The following ASTN2 variants were observed in gnomAD, a reference collection of about 807,000 sequenced individuals.
ASTN2 encodes astrotactin 2.
Under a neutral mutation model 139.8 loss-of-function variants are expected in ASTN2, and 54 were observed. The observed-to-expected ratio is 0.39, with a 90% CI of 0.31 to 0.48. The LOEUF (loss-of-function observed/expected upper bound fraction) is 0.48, where lower values mean the gene tolerates loss of function less well. ASTN2 is among the 20% of genes least tolerant of loss of function. The pLI is 0.95. For missense variants in ASTN2, 1,565 were observed against 1,725.1 expected (o/e 0.91, Z 1.64); for synonymous variants, 756 against 719.5 (o/e 1.05, Z -0.81).
At chr9:117,380,244 A>G (rs1239843058) in intron 1 of ASTN2, among the ~76,000 whole-genome samples, 1 of 152,214 alleles carries the variant, frequency 6.6e-6, no homozygotes, top group Non-Finnish European at 1.5e-5. Flanking sequence ...CGAGCATCAT[A>G]AAAACAAACG....
intron 10 of ASTN2, among the ~76,000 whole-genome samples, chr9:116,916,657 A>G (rs1027756767): frequency 6.6e-6 from 1 of 151,960 alleles, no homozygotes; most frequent in Non-Finnish European, 1.5e-5. Context: ...GACCAGCAAC[A>G]AAGTGAGACC....
intron 10 of ASTN2, among the ~76,000 whole-genome samples, chr9:116,922,618 G>A (rs1834644364): frequency 6.6e-6 from 1 of 152,132 alleles, no homozygotes; most frequent in African/African-American, 2.4e-5. Context: ...AATGAATCAT[G>A]ATACATCTGT....
intron 11 of ASTN2, among the ~76,000 whole-genome samples, chr9:116,850,741 G>A (rs1832575350): frequency 6.6e-6 from 1 of 152,160 alleles, no homozygotes; most frequent in Non-Finnish European, 1.5e-5. Flanking sequence ...TTTAAAATGA[G>A]CCTTAGGAAA....
rs903235790 is a variant in ASTN2, at chr9:116,667,358, TA to T, written c.2807-15566del. Among the ~76,000 whole-genome samples, 5 of 151,956 alleles carry T rather than the reference TA, an allele frequency of 3.3e-5. No homozygotes were observed. The South Asian group carries it at 6.2e-4, about 19-fold the overall frequency. ...TGTGATAATGATGTTGAGCTTATGT[TA>T]AAAAAAACTATCTGTTTGCAATATA... On this transcript the variant is annotated intron_variant, in intron 16 of 22. Coordinates refer to ENST00000313400, the MANE Select transcript of ASTN2 (RefSeq NM_001365068.1).
intron 2 of ASTN2, among the ~76,000 whole-genome samples, chr9:117,229,460 G>C (rs1832821776): frequency 6.6e-6 from 1 of 152,110 alleles, no homozygotes; most frequent in Non-Finnish European, 1.5e-5. Flanking sequence ...CTGAATCCCA[G>C]GGTAAAATAC....
intron 10 of ASTN2, among the ~76,000 whole-genome samples, chr9:116,932,877 G>A (rs1249878754): frequency 1.3e-5 from 2 of 151,842 alleles, no homozygotes; most frequent in East Asian, 1.9e-4. Context: ...ATGGTGGCAC[G>A]CACCTATAAT....
intron 1 of ASTN2, among the ~76,000 whole-genome samples, chr9:117,356,250 A>G (rs1191731856): frequency 6.6e-6 from 1 of 152,244 alleles, no homozygotes; most frequent in African/African-American, 2.4e-5. Flanking sequence ...TCATAAAGTC[A>G]AAATCTTAAA....
At chr9:117,388,105 G>C (rs1426187155) in intron 1 of ASTN2, among the ~76,000 whole-genome samples, 1 of 152,100 alleles carries the variant, frequency 6.6e-6, no homozygotes, top group African/African-American at 2.4e-5. Flanking sequence ...CTTCACAGTG[G>C]AGCCATCCAA....
chr9:116,639,510 C>A (rs1170740082), intron 17 of ASTN2, among the ~76,000 whole-genome samples: 2 of 152,164 alleles, frequency 1.3e-5, no homozygotes, highest in African/African-American at 4.8e-5. Context: ...TCTCTCCAGG[C>A]CCTTACCACC....
At chr9:116,702,535 C>G (rs1827858616) in intron 16 of ASTN2, among the ~76,000 whole-genome samples, 1 of 152,252 alleles carries the variant, frequency 6.6e-6, no homozygotes, top group South Asian at 2.1e-4. Context: ...TGAGGGCTAA[C>G]TAATCTAGCT....
At chr9:116,863,018 C>G (rs1318103781) in intron 11 of ASTN2, among the ~76,000 whole-genome samples, 16 of 152,086 alleles carry the variant, frequency 1.1e-4, no homozygotes, top group Non-Finnish European at 2.9e-5. Context: ...ACGCTAGATA[C>G]TAAAATTCCA....
chr9:117,282,979 A>G (rs1278796710), intron 2 of ASTN2, among the ~76,000 whole-genome samples: 10 of 139,268 alleles, frequency 7.2e-5, no homozygotes, highest in Admixed American at 5.7e-4. Context: ...TCATACTTCT[A>G]CTGTTTTTTT....
chr9:116,498,422 A>AAAAAAAC (rs59614260), intron 19 of ASTN2, among the ~76,000 whole-genome samples: 3 of 150,864 alleles, frequency 2.0e-5, no homozygotes, highest in Admixed American at 1.3e-4. Flanking sequence ...CCATCTCTAA[A>AAAAAAAC]AAAAAACAAA....
intron 16 of ASTN2, among the ~76,000 whole-genome samples, chr9:116,661,380 T>G (rs1488380957): frequency 6.6e-6 from 1 of 152,088 alleles, no homozygotes; most frequent in Non-Finnish European, 1.5e-5. Context: ...AAGCTAGCTA[T>G]GATACAAGGA....
chr9:117,026,911 G>A (rs1210260320), intron 6 of ASTN2, among the ~76,000 whole-genome samples: 2 of 69,390 alleles, frequency 2.9e-5, no homozygotes, highest in South Asian at 4.6e-4. Flanking sequence ...ATGCACAAAC[G>A]AGGCTTAGAG....
chr9:117,409,534 C>T (rs1831102856), intron 1 of ASTN2, among the ~76,000 whole-genome samples: 1 of 152,208 alleles, frequency 6.6e-6, no homozygotes, highest in African/African-American at 2.4e-5. Flanking sequence ...CTCCAGGGGA[C>T]ACAGCCTCCT....
At chr9:116,834,065 G>A (rs1831908626) in intron 11 of ASTN2, among the ~76,000 whole-genome samples, 2 of 152,348 alleles carry the variant, frequency 1.3e-5, no homozygotes, top group South Asian at 2.1e-4. Context: ...CCCAATTTAT[G>A]TTATTTTGCT....
chr9:117,187,873 C>A (rs139418173), intron 3 of ASTN2, among the ~76,000 whole-genome samples: 151 of 152,280 alleles, frequency 9.9e-4, no homozygotes, highest in African/African-American at 3.5e-3. Flanking sequence ...TAGTATGTTA[C>A]AGTTACAAAA....
At position 116,905,869 on chromosome 9, in the gene ASTN2, G is replaced by A. The variant is rs569439098; in HGVS notation, c.1890-42136C>T. Among the ~76,000 whole-genome samples, 11 of 149,236 alleles carry A rather than the reference G, an allele frequency of 7.4e-5. 1 individual carries two copies. The highest frequency in any genetic ancestry group is 5.3e-4 in the Admixed American group (8 of 15,010). On this transcript the variant is annotated intron_variant, in intron 10 of 22. Coordinates refer to ENST00000313400, the MANE Select transcript of ASTN2 (RefSeq NM_001365068.1). The stretch of plus-strand genomic sequence containing the variant: ...TGATCCCTGTTTTTTTTTTTTTTGG[G>A]GGGGGGTGCGGGGGGTGTGCCGTTT...
Sources: allele counts gnomAD v4.1 joint callset (sites outside exome capture counted in the v4.1 genomes callset), GRCh38; gene constraint gnomAD v4.1.1; transcripts MANE v1.5; gene names NCBI Gene and HGNC (gene_info 2026-07-23, HGNC 2026-07-21).